The following SRPK1 variants were observed in gnomAD, a reference collection of about 807,000 sequenced individuals.
SRPK1 encodes the protein SRSF protein kinase 1.
A neutral mutation model predicts 89.5 loss-of-function variants in SRPK1; 52 were observed. The observed-to-expected ratio is 0.58, with a 90% CI of 0.46 to 0.73. The LOEUF (loss-of-function observed/expected upper bound fraction) is 0.73, where lower values mean the gene tolerates loss of function less well. Ranked by LOEUF, SRPK1 falls within the 30% of genes least tolerant of loss-of-function variation. The pLI is 0.00. For synonymous variants in SRPK1, 255 were observed against 270.2 expected (o/e 0.94, Z 0.55); for missense variants, 603 against 780.6 (o/e 0.77, Z 2.71).
intron 6 of SRPK1, among the ~76,000 whole-genome samples, chr6:35,877,608 C>T (rs1243816982): frequency 2.0e-5 from 3 of 151,936 alleles, no homozygotes; most frequent in South Asian, 2.1e-4. Flanking sequence ...TTTGGGAGGC[C>T]GAGGTGGGCG....
At chr6:35,919,886 C>G (rs995252140) in intron 2 of SRPK1, among the ~76,000 whole-genome samples, 3 of 152,118 alleles carry the variant, frequency 2.0e-5, no homozygotes, top group African/African-American at 4.8e-5. Flanking sequence ...TAACAGACAC[C>G]GACTGTATAC....
chr6:35,844,920 G>A (rs1769394496), intron 13 of SRPK1, among the ~76,000 whole-genome samples: 2 of 152,058 alleles, frequency 1.3e-5, no homozygotes, highest in African/African-American at 4.8e-5. Flanking sequence ...AGTGCTATAC[G>A]CCTGTGGTCC....
intron 15 of SRPK1, among the ~76,000 whole-genome samples, chr6:35,836,989 G>A (rs1401886635): frequency 6.6e-6 from 1 of 152,068 alleles, no homozygotes; most frequent in Non-Finnish European, 1.5e-5. Flanking sequence ...ATTGAGAAAA[G>A]TCATTTTTCT....
intron 1 of SRPK1, 38 bp from the exon 2 acceptor site, chr6:35,920,566 G>C (rs780745493): frequency 1.2e-6 from 2 of 1,604,622 alleles, no homozygotes; most frequent in Non-Finnish European, 1.7e-6. Context: ...CGAATGTGGA[G>C]GAAAGGAGGC....
chr6:35,863,072 G>A (rs1002321502), intron 12 of SRPK1, among the ~76,000 whole-genome samples: 6 of 152,132 alleles, frequency 3.9e-5, no homozygotes, highest in Non-Finnish European at 7.4e-5. Context: ...GATCGCTTGA[G>A]CCCAGGAGAT....
At chr6:35,900,446 G>A (rs114160035) in intron 2 of SRPK1, among the ~76,000 whole-genome samples, 4,953 of 152,260 alleles carry the variant, frequency 0.033, 97 homozygotes, top group Middle Eastern at 0.065. Context: ...TCTAGGCACT[G>A]GGAATGCAGC....
intron 4 of SRPK1, 106 bp downstream of exon 4, chr6:35,888,709 T>C (rs1770458276): frequency 1.4e-6 from 1 of 737,510 alleles, no homozygotes; most frequent in Non-Finnish European, 2.3e-6. Flanking sequence ...TTCTGATAAA[T>C]GAATCAGGCT....
intron 2 of SRPK1, among the ~76,000 whole-genome samples, chr6:35,919,808 T>C (rs1482843732): frequency 1.3e-5 from 2 of 152,230 alleles, no homozygotes; most frequent in Non-Finnish European, 2.9e-5. Context: ...ACTCTCCCGT[T>C]ACTATTGTGA....
chr6:35,838,242 G>A (rs1769227060), intron 15 of SRPK1, 95 bp downstream of exon 15: 2 of 829,624 alleles, frequency 2.4e-6, no homozygotes, highest in African/African-American at 3.6e-5. Flanking sequence ...ATTCAAGGCA[G>A]GCCCATCATT....
intron 14 of SRPK1, 132 bp from the exon 15 acceptor site, chr6:35,838,561 T>A: frequency 1.5e-6 from 2 of 1,372,618 alleles, no homozygotes; most frequent in African/African-American, 1.5e-5. Context: ...TTACTTTCTA[T>A]CCTAAATGGG....
chr6:35,903,435 C>G (rs1423794488), intron 2 of SRPK1, among the ~76,000 whole-genome samples: 1 of 151,832 alleles, frequency 6.6e-6, no homozygotes, highest in Non-Finnish European at 1.5e-5. Context: ...TCACTTGAAC[C>G]CGGGAGACAG....
intron 8 of SRPK1, 105 bp from the exon 9 acceptor site, chr6:35,871,064 G>T (rs1303416182): frequency 2.5e-6 from 2 of 795,754 alleles, no homozygotes; most frequent in Admixed American, 5.5e-5. Context: ...TTCTTATGTA[G>T]TCTACATTGC....
At position 35,835,269 on chromosome 6, in the gene SRPK1, A is replaced by G. The variant is rs766919610; in HGVS notation, c.*35T>C. ...GCTTGAAGGGGAAGGGCGGAGGGTC[A>G]GTGTGTGATCTCTGCTGTGGTGCTG... On this transcript the variant is annotated 3_prime_UTR_variant, in exon 16 of 16. Coordinates refer to ENST00000373825, the MANE Select transcript of SRPK1 (RefSeq NM_003137.5). 8.9e-6 allele frequency: 14 copies of G among 1,566,246 alleles called. No individual in the cohort carries two copies. The highest frequency in any genetic ancestry group is 1.4e-5 in the African/African-American group (1 of 73,916).
rs1581985464 is a variant in SRPK1 at position 35,836,759 on chromosome 6, A to ATAG, written c.1784-1272_1784-1271insCTA. ...GACAGAGTGATACCCTGTCTCAATA[A>ATAG]TAATAATAATAATAATAATAATAAT... On this transcript the variant is annotated intron_variant, in intron 15 of 15. Transcript: ENST00000373825. Among the ~76,000 whole-genome samples the ATAG allele has an allele frequency of 2.7e-5, 4 of 146,302 alleles. No individual in the cohort carries two copies. The East Asian group carries it at 7.9e-4, about 29-fold the overall frequency.
intron 12 of SRPK1, among the ~76,000 whole-genome samples, chr6:35,861,381 C>G (rs983646748): frequency 5.3e-5 from 8 of 152,214 alleles, no homozygotes; most frequent in South Asian, 2.1e-4. Flanking sequence ...AGGGAACCCA[C>G]AGAGAATCCC....
chr6:35,886,107 T>C (rs1221698171), intron 6 of SRPK1, among the ~76,000 whole-genome samples: 1 of 148,742 alleles, frequency 6.7e-6, no homozygotes, highest in Non-Finnish European at 1.5e-5. Flanking sequence ...TTAGACAGAG[T>C]CTGGCTCTGT....
At chr6:35,920,391 G>T (rs1771207301) in intron 2 of SRPK1, 77 bp downstream of exon 2, 23 of 1,551,604 alleles carry the variant, frequency 1.5e-5, no homozygotes, top group Non-Finnish European at 2.0e-5. Flanking sequence ...CCCGGTGCAC[G>T]TTCAAGACGT....
intron 4 of SRPK1, among the ~76,000 whole-genome samples, 178 bp downstream of exon 4, chr6:35,888,637 T>C (rs978626729): frequency 1.3e-5 from 2 of 152,230 alleles, no homozygotes; most frequent in African/African-American, 4.8e-5. Context: ...TATATAATAC[T>C]GATTCTTCAC....
Position 35,869,684 on chromosome 6 carries a change from T to C in SRPK1, c.1209A>G (p.Gly403=). ...CTGTTTCTTGAGATGTGCTGCTGTC[T>C]CCATTTTGGGAGCTTAGGAAACTAG... is the stretch of plus-strand genomic sequence containing the variant. ...QESSFLSSQN[G]DSSTSQETDS... Residue 403 remains glycine, a synonymous_variant, in exon 11 of 16, where the codon GGA becomes GGG. Transcript: ENST00000373825. The C allele has an allele frequency of 6.2e-7, 1 of 1,613,932 alleles. No homozygotes were observed. Among genetic ancestry groups the C allele is most frequent in the Non-Finnish European group, 8.5e-7 (1 of 1,179,802 alleles).
Sources: allele counts gnomAD v4.1 joint callset (sites outside exome capture counted in the v4.1 genomes callset), GRCh38; gene constraint gnomAD v4.1.1; transcripts MANE v1.5; gene names NCBI Gene and HGNC (gene_info 2026-07-23, HGNC 2026-07-21).